The following LAMC1 variants were observed in gnomAD, a reference collection of about 807,000 sequenced individuals.
LAMC1 encodes laminin subunit gamma-1.
In LAMC1, 38 loss-of-function variants were observed where a neutral mutation model predicts 173.6. The observed-to-expected ratio is 0.22, with a 90% CI of 0.17 to 0.29. The LOEUF (loss-of-function observed/expected upper bound fraction) is 0.29. Ranked by LOEUF, LAMC1 falls within the 10% of genes least tolerant of loss-of-function variation. The pLI, the probability that LAMC1 is intolerant of heterozygous loss-of-function variation, is 1.00. For synonymous variants in LAMC1, 746 were observed against 749.1 expected (o/e 1.00, Z 0.07); for missense variants, 1,824 against 2,051.8 (o/e 0.89, Z 2.14).
At chr1:183,084,788 T>C (rs2102053710) in intron 1 of LAMC1, among the ~76,000 whole-genome samples, 1 of 152,380 alleles carries the variant, frequency 6.6e-6, no homozygotes, top group African/African-American at 2.4e-5. Flanking sequence ...AGAGAGACAA[T>C]GCTAGGCATT....
chr1:183,135,764 C>T (rs540552581), intron 24 of LAMC1, among the ~76,000 whole-genome samples: 28 of 151,970 alleles, frequency 1.8e-4, no homozygotes, highest in African/African-American at 6.5e-4. Context: ...TGGCACATAC[C>T]TGTAGTCCTA....
intron 1 of LAMC1, among the ~76,000 whole-genome samples, chr1:183,025,248 A>G (rs1402346065): frequency 6.6e-6 from 1 of 152,202 alleles, no homozygotes; most frequent in African/African-American, 2.4e-5. Flanking sequence ...GTTGTAGGCA[A>G]ATGGTTCTTT....
In LAMC1 at chr1:183,130,570, G is replaced by C. The variant is rs1478599439; in HGVS notation, c.3486+21G>C. ...ATGTGGTAAGTGATTGCAAACGTCT[G>C]AGGTGGGGATGGGGGAGGCCCCTGG... On this transcript the variant is annotated intron_variant, in intron 19 of 27. Coordinates refer to ENST00000258341, the MANE Select transcript of LAMC1 (RefSeq NM_002293.4). 3 of 1,605,804 alleles carry C rather than the reference G, an allele frequency of 1.9e-6. No homozygotes were observed. In the African/African-American group the frequency reaches 4.0e-5, roughly 21 times the overall value.
At chr1:183,067,352 G>A (rs1024759072) in intron 1 of LAMC1, among the ~76,000 whole-genome samples, 4 of 152,006 alleles carry the variant, frequency 2.6e-5, no homozygotes, top group Non-Finnish European at 4.4e-5. Context: ...TTAATAAAAC[G>A]ATGAGTGTGT....
intron 4 of LAMC1, among the ~76,000 whole-genome samples, chr1:183,114,230 C>T (rs561552987): frequency 9.2e-5 from 14 of 152,234 alleles, no homozygotes; most frequent in Middle Eastern, 6.8e-3. Flanking sequence ...CTACCACACC[C>T]GGCTAATTTT....
At chr1:183,125,248 C>T in intron 14 of LAMC1, 149 bp from the exon 15 acceptor site, 1 of 747,002 alleles carries the variant, frequency 1.3e-6, no homozygotes, top group Non-Finnish European at 2.3e-6. Context: ...TTCAGACTCA[C>T]CAGCCACATT....
Position 183,121,815 on chromosome 1 carries a change from G to A in LAMC1, c.2083G>A (p.Gly695Arg), listed in dbSNP as rs1656482457. The A allele has an allele frequency of 1.2e-6, 2 of 1,614,134 alleles. No homozygotes were observed. Among genetic ancestry groups the A allele is most frequent in the Admixed American group, 1.7e-5 (1 of 60,012 alleles). The part of the protein sequence containing the change: ...TWVESCTCPV[G>R]YGGQFCEMCL... ...GGTGGAGTCCTGCACCTGTCCTGTG[G>A]GATATGGAGGGCAGTTTTGTGAGAT... Residue 695 changes from glycine to arginine, a missense_variant, in exon 12 of 28, where the codon GGA (glycine) becomes AGA (arginine). Gly to Arg is a moderately radical substitution (Grantham distance 125). Coordinates refer to ENST00000258341, the MANE Select transcript of LAMC1 (RefSeq NM_002293.4).
rs531878741 is a variant in LAMC1 at position 183,106,206 on chromosome 1, T to A, written c.724-2070T>A. Among the ~76,000 whole-genome samples, 25 of 152,222 alleles carry A rather than the reference T, an allele frequency of 1.6e-4. No individual in the cohort carries two copies. In the East Asian group the frequency reaches 4.4e-3, roughly 27 times the overall value. ...AAAGATGCCCATTAGGAAAAAAAAA[T>A]GGCTTAGCTTTTTGAGAAGCTCTTA... On this transcript the variant is annotated intron_variant, in intron 2 of 27. Transcript: ENST00000258341.
chr1:183,075,170 G>C (rs899998079), intron 1 of LAMC1, among the ~76,000 whole-genome samples: 9 of 149,516 alleles, frequency 6.0e-5, no homozygotes, highest in Middle Eastern at 3.2e-3. Context: ...CTGTTGCCCA[G>C]GCTGGAGTGT....
intron 1 of LAMC1, among the ~76,000 whole-genome samples, chr1:183,082,032 C>A (rs1655290480): frequency 6.6e-6 from 1 of 152,140 alleles, no homozygotes; most frequent in African/African-American, 2.4e-5. Context: ...TACTTATATG[C>A]ATTTAAGTTT....
In LAMC1 at chr1:183,130,493, T is replaced by G. The variant is rs752707197; in HGVS notation, c.3430T>G (p.Leu1144Val). 1 of 1,614,162 alleles carries G rather than the reference T, an allele frequency of 6.2e-7. No individual in the cohort carries two copies. Residue 1144 changes from leucine (L) to valine (V), a missense_variant, in exon 19 of 28, where the codon TTG becomes GTG. Leu to Val is a conservative substitution (Grantham distance 32). Coordinates refer to ENST00000258341, the MANE Select transcript of LAMC1 (RefSeq NM_002293.4). ...TGCCCATGTAGAGAACACAGAGCGG[T>G]TGATTGAAATCGCATCCAGAGAACT... ...ARAHVENTER[L>V]IEIASRELEK... is the part of the protein sequence containing the mutation.
At chr1:183,052,176 G>A (rs1284958764) in intron 1 of LAMC1, among the ~76,000 whole-genome samples, 5 of 151,848 alleles carry the variant, frequency 3.3e-5, no homozygotes, top group Non-Finnish European at 4.4e-5. Flanking sequence ...TGCATGTGTT[G>A]GCTAGCTACC....
intron 1 of LAMC1, among the ~76,000 whole-genome samples, chr1:183,067,206 G>A (rs996995687): frequency 6.6e-6 from 1 of 152,002 alleles, no homozygotes; most frequent in Admixed American, 6.6e-5. Flanking sequence ...CTAGGACTTT[G>A]TCTAACTATT....
rs74129640 is a variant in LAMC1, at chr1:183,060,295, A to G, written c.418+36161A>G. Among the ~76,000 whole-genome samples the G allele has an allele frequency of 1.5e-3, 233 of 151,812 alleles. 3 individuals carry two copies. The highest frequency in any genetic ancestry group is 5.4e-3 in the African/African-American group (224 of 41,390). ...ATCTTAAGTAGTATGGCATGCACCA[A>G]TAGTTCCAGCTACTCAGGAGGCTGA... On this transcript the variant is annotated intron_variant, in intron 1 of 27. Transcript: ENST00000258341.
Position 183,124,717 on chromosome 1 carries a change from T to G in LAMC1, c.2488T>G (p.Cys830Gly), listed in dbSNP as rs1468715889. ...GPVRLCRLCQ[C>G]SDNIDPNAVG... ...TGTGAGACTTTGCCGCCTGTGCCAG[T>G]GCAGTGACAACATCGATCCCAATGC... The change falls in exon 14 of 28, where the codon TGC becomes GGC. Residue 830 changes from cysteine (C) to glycine (G), a missense_variant. Physicochemically the swap from Cys to Gly is radical, Grantham distance 159 (BLOSUM62 -3). Coordinates refer to ENST00000258341, the MANE Select transcript of LAMC1 (RefSeq NM_002293.4). 1 of 1,614,132 alleles carries G rather than the reference T, an allele frequency of 6.2e-7. No homozygotes were observed. The highest frequency in any genetic ancestry group is 8.5e-7 in the Non-Finnish European group (1 of 1,180,052).
Position 183,132,512 on chromosome 1 carries a change from T to G in LAMC1, c.3679T>G (p.Phe1227Val). Residue 1227 changes from phenylalanine (F) to valine (V), a missense_variant, in exon 21 of 28, where the codon TTT (phenylalanine) becomes GTT (valine). Phe to Val is a conservative substitution (Grantham distance 50, BLOSUM62 -1). Transcript: ENST00000258341. ...ACTGGCAGGAGAAAATCAAACAGCA[T>G]TTGAGATTGAAGAGCTTAATAGGAA... ...RTLAGENQTA[F>V]EIEELNRKYE... The G allele has an allele frequency of 6.2e-7, 1 of 1,613,824 alleles. No individual in the cohort carries two copies.
At chr1:183,097,703 A>G (rs900341994) in intron 1 of LAMC1, among the ~76,000 whole-genome samples, 2 of 152,238 alleles carry the variant, frequency 1.3e-5, no homozygotes, top group African/African-American at 2.4e-5. Context: ...TTGGTCCCAC[A>G]TGAACAAAGG....
chr1:183,128,516 C>T, intron 17 of LAMC1, 78 bp from the exon 18 acceptor site: 1 of 1,228,576 alleles, frequency 8.1e-7, no homozygotes, highest in Non-Finnish European at 1.1e-6. Context: ...GCCCATGATT[C>T]CTGCAGGAAG....
At chr1:183,119,211 TA>T (rs955763972) in intron 11 of LAMC1, among the ~76,000 whole-genome samples, 5 of 151,958 alleles carry the variant, frequency 3.3e-5, no homozygotes, top group African/African-American at 7.3e-5. Flanking sequence ...TTTTTTTTCT[TA>T]AAAAAAAGTT....
Sources: gnomAD v4.1 joint callset for allele counts (sites outside exome capture counted in the v4.1 genomes callset) on GRCh38, gnomAD v4.1.1 for gene constraint, MANE v1.5 for transcripts, NCBI Gene and HGNC (gene_info 2026-07-23, HGNC 2026-07-21) for gene names.